Variants in GPR158 observed in about 807,000 individuals in gnomAD.
The protein encoded by GPR158 is G protein-coupled receptor 158, also known as metabotropic glycine receptor.
GPR158 carries 30 observed loss-of-function variants against 78.2 expected under a neutral mutation model. The observed-to-expected ratio is 0.38, with a 90% CI of 0.29 to 0.52. GPR158 has a LOEUF of 0.52. Among genes scored for constraint, GPR158 ranks in the 20% least tolerant of loss-of-function variants. The pLI is 0.83. For missense variants in GPR158, 1,463 were observed against 1,523.5 expected (o/e 0.96, Z 0.66); for synonymous variants, 581 against 591.1 (o/e 0.98, Z 0.25).
chr10:25,231,883 C>T (rs1199927562), intron 2 of GPR158, among the ~76,000 whole-genome samples: 3 of 152,084 alleles, frequency 2.0e-5, no homozygotes, highest in African/African-American at 4.8e-5. Flanking sequence ...ATGCAAAATG[C>T]TTTGAAGCTT....
chr10:25,479,830 A>T (rs1835640461), intron 5 of GPR158, among the ~76,000 whole-genome samples: 1 of 151,842 alleles, frequency 6.6e-6, no homozygotes. Context: ...TTTTTCTGTT[A>T]TATTTCTCCT....
chr10:25,521,236 A>G (rs61849362), intron 5 of GPR158, among the ~76,000 whole-genome samples: 7 of 152,172 alleles, frequency 4.6e-5, no homozygotes, highest in Admixed American at 2.0e-4. Context: ...CGCACGGTGC[A>G]CGCACCCACT....
chr10:25,293,597 G>T (rs1323274009), intron 2 of GPR158, among the ~76,000 whole-genome samples: 2 of 152,092 alleles, frequency 1.3e-5, no homozygotes, highest in East Asian at 1.9e-4. Flanking sequence ...TATTTTTCTG[G>T]GTAAGTGTTT....
At chr10:25,205,916 G>T (rs554820284) in intron 1 of GPR158, among the ~76,000 whole-genome samples, 1 of 151,752 alleles carries the variant, frequency 6.6e-6, no homozygotes, top group East Asian at 1.9e-4. Context: ...CTGTTTTTAG[G>T]TGGAGAGTTC....
At chr10:25,509,609 TCTGTG>T (rs1436094779) in intron 5 of GPR158, among the ~76,000 whole-genome samples, 1 of 152,234 alleles carries the variant, frequency 6.6e-6, no homozygotes, top group African/African-American at 2.4e-5. Context: ...ATGTGTATTT[TCTGTG>T]TGGATGTTTG....
At position 25,594,296 on chromosome 10, in the gene GPR158, G is replaced by C. The variant is rs756601098; in HGVS notation, c.1897G>C (p.Val633Leu). Residue 633 changes from valine (V) to leucine (L), a missense_variant, in exon 9 of 11, where the codon GTT becomes CTT. Physicochemically the swap from Val to Leu is conservative, Grantham distance 32 (BLOSUM62 1). Transcript: ENST00000376351. Reference protein sequence around the residue: ...ISAIFHTIRFVLASRLQSDWM... With the variant: ...ISAIFHTIRFLLASRLQSDWM... ...CTCAATGAATTCTCATTTCAGATTTGTTCTTGCCTCAAGACTTCAGTCTGA... is the reference window on the plus strand; with the variant it reads ...CTCAATGAATTCTCATTTCAGATTTCTTCTTGCCTCAAGACTTCAGTCTGA... 2 of 1,493,288 alleles carry C rather than the reference G, an allele frequency of 1.3e-6. No homozygotes were observed. Among genetic ancestry groups the C allele is most frequent in the Non-Finnish European group, 1.9e-6 (2 of 1,071,412 alleles). 92.5% of individuals were successfully genotyped at this position (1,493,288 alleles called of 1,614,324 possible). A position where few individuals can be genotyped will look rare whatever the true frequency, so the allele number is the denominator to read the frequency against.
intron 1 of GPR158, among the ~76,000 whole-genome samples, chr10:25,192,185 G>A (rs1402274633): frequency 6.6e-6 from 1 of 152,124 alleles, no homozygotes; most frequent in Non-Finnish European, 1.5e-5. Flanking sequence ...CACGAGATCT[G>A]ATGGTTTTAT....
chr10:25,239,698 A>G (rs553107101), intron 2 of GPR158, among the ~76,000 whole-genome samples: 2 of 152,144 alleles, frequency 1.3e-5, no homozygotes, highest in South Asian at 4.1e-4. Flanking sequence ...CTGCCAGTAA[A>G]ATTTAAAGCC....
At chr10:25,248,258 T>C (rs894237892) in intron 2 of GPR158, among the ~76,000 whole-genome samples, 3 of 152,056 alleles carry the variant, frequency 2.0e-5, no homozygotes, top group East Asian at 1.9e-4. Flanking sequence ...TTCTCCCATT[T>C]TGTAGGTTGC....
At chr10:25,452,185 G>A (rs541342122) in intron 4 of GPR158, among the ~76,000 whole-genome samples, 6 of 148,780 alleles carry the variant, frequency 4.0e-5, no homozygotes, top group East Asian at 2.0e-4. Flanking sequence ...CAACAGATGC[G>A]TGCCACCATG....
At chr10:25,585,684 A>G (rs1837257297) in intron 7 of GPR158, among the ~76,000 whole-genome samples, 1 of 152,218 alleles carries the variant, frequency 6.6e-6, no homozygotes, top group African/African-American at 2.4e-5. Flanking sequence ...AAGCAAGACC[A>G]AGATTTGGAA....
chr10:25,371,547 T>A (rs10741081), intron 2 of GPR158, among the ~76,000 whole-genome samples: 1 of 146,258 alleles, frequency 6.8e-6, no homozygotes, highest in Non-Finnish European at 1.5e-5. Context: ...TCAGAAATAA[T>A]GCCACATATC....
At chr10:25,236,677 T>G (rs1464698161) in intron 2 of GPR158, among the ~76,000 whole-genome samples, 1 of 152,116 alleles carries the variant, frequency 6.6e-6, no homozygotes, top group South Asian at 2.1e-4. Flanking sequence ...CGAGTCATGC[T>G]TATCCTTTGA....
intron 2 of GPR158, among the ~76,000 whole-genome samples, chr10:25,247,277 C>T (rs1016413930): frequency 6.6e-6 from 1 of 151,330 alleles, no homozygotes; most frequent in African/African-American, 2.4e-5. Flanking sequence ...CTTCAACAAC[C>T]TATCATGGTT....
intron 5 of GPR158, among the ~76,000 whole-genome samples, chr10:25,476,768 C>T (rs1239737555): frequency 6.6e-6 from 1 of 152,036 alleles, no homozygotes; most frequent in African/African-American, 2.4e-5. Context: ...ACTCAAATGA[C>T]ATCAAACGGG....
At chr10:25,190,467 A>C (rs897264867) in intron 1 of GPR158, among the ~76,000 whole-genome samples, 2 of 151,942 alleles carry the variant, frequency 1.3e-5, no homozygotes, top group Non-Finnish European at 2.9e-5. Flanking sequence ...CAAGTAGCTG[A>C]GACTACAGGT....
rs1837445442 is a variant in GPR158, at chr10:25,598,550, T to C, written c.2924T>C (p.Ile975Thr). ...EEPRKPQKSG[I>T]MKQQRVNPTT... ...CCAAGAAAGCCTCAGAAATCTGGGA[T>C]TATGAAACAACAAAGGGTCAACCCC... Residue 975 changes from isoleucine (I) to threonine (T), a missense_variant, in exon 11 of 11, where the codon ATT (isoleucine) becomes ACT (threonine). By Grantham distance (89) the Ile-to-Thr change is moderately conservative (BLOSUM62 -1). Transcript: ENST00000376351. 1 of 1,613,428 alleles carries C rather than the reference T, an allele frequency of 6.2e-7. No individual in the cohort carries two copies. Among genetic ancestry groups the C allele is most frequent in the Admixed American group, 1.7e-5 (1 of 59,938 alleles).
At chr10:25,411,175 CT>C (rs1463135868) in intron 3 of GPR158, among the ~76,000 whole-genome samples, 1 of 150,212 alleles carries the variant, frequency 6.7e-6, no homozygotes, top group African/African-American at 2.4e-5. Flanking sequence ...TAAAGATAAT[CT>C]TTACCTGTAG....
chr10:25,475,755 C>G (rs961988514), intron 5 of GPR158: 5 of 152,144 alleles, frequency 3.3e-5, no homozygotes, highest in African/African-American at 1.2e-4. Context: ...GTGGGCTATA[C>G]TAGAATTGTT....
Sources: gnomAD v4.1 joint callset for allele counts (sites outside exome capture counted in the v4.1 genomes callset) on GRCh38, gnomAD v4.1.1 for gene constraint, MANE v1.5 for transcripts, NCBI Gene and HGNC (gene_info 2026-07-23, HGNC 2026-07-21) for gene names.